Variants in CNTNAP3B observed in about 807,000 individuals in gnomAD.
CNTNAP3B encodes the protein contactin-associated protein-like 3B.
CNTNAP3B carries 25 observed loss-of-function variants against 108.9 expected under a neutral mutation model. The ratio of observed to expected loss-of-function variants is 0.23; its 90% CI spans 0.17 to 0.32. The LOEUF (loss-of-function observed/expected upper bound fraction) is 0.32. Ranked by LOEUF, CNTNAP3B falls within the 10% of genes least tolerant of loss-of-function variation. The probability of loss-of-function intolerance (pLI) is 1.00; values close to 1 mark genes in which losing one functional copy is unlikely to be tolerated. For missense variants in CNTNAP3B, 252 were observed against 1,210.4 expected, an observed-to-expected ratio of 0.21 and a Z score of 11.75; for synonymous variants, 103 against 473.4, an observed-to-expected ratio of 0.22 and a Z score of 10.16.
intron 15 of CNTNAP3B, among the ~76,000 whole-genome samples, chr9:41,926,960 A>G (rs1391271815): frequency 1.3e-5 from 2 of 152,426 alleles, no homozygotes; most frequent in Admixed American, 1.3e-4. Flanking sequence ...ATCAATAGGC[A>G]GGGGAAAAAG....
chr9:42,023,813 C>T (rs1166718694), intron 3 of CNTNAP3B, among the ~76,000 whole-genome samples: 1 of 139,582 alleles, frequency 7.2e-6, no homozygotes, highest in Admixed American at 7.2e-5. Flanking sequence ...ACTTTAAGTT[C>T]TCTTGAACAG....
intron 13 of CNTNAP3B, among the ~76,000 whole-genome samples, chr9:41,940,558 G>C (rs1193054092): frequency 6.6e-6 from 1 of 152,284 alleles, no homozygotes; most frequent in Non-Finnish European, 1.5e-5. Context: ...GGTGGCTCAC[G>C]CCTGTAATCC....
chr9:41,970,904 A>G (rs2118267535), intron 9 of CNTNAP3B, among the ~76,000 whole-genome samples: 1 of 149,422 alleles, frequency 6.7e-6, no homozygotes, highest in East Asian at 1.9e-4. Flanking sequence ...ACAACAACAC[A>G]AAAAGTAACA....
At position 42,079,617 on chromosome 9, in the gene CNTNAP3B, G is replaced by A. The variant is rs1827569579; in HGVS notation, c.197-2555C>T. Among the ~76,000 whole-genome samples the A allele has an allele frequency of 1.5e-5, 2 of 134,232 alleles. 1 individual carries two copies. The highest frequency in any genetic ancestry group is 1.5e-4 in the Admixed American group (2 of 13,416). The allele number at this position is 134,232 out of a possible 152,430, so 88.1% of individuals were successfully genotyped here. ...GCTCACTGCAACCTCCAACTCCCTG[G>A]TTCAAGCAATTCTCCTGCCTCAGCC... is the stretch of plus-strand genomic sequence containing the variant. On this transcript the variant is annotated intron_variant, in intron 2 of 23. Coordinates refer to ENST00000377561, the MANE Select transcript of CNTNAP3B (RefSeq NM_001201380.3).
intron 3 of CNTNAP3B, among the ~76,000 whole-genome samples, chr9:42,046,223 G>C (rs1461331192): frequency 9.8e-6 from 1 of 101,532 alleles, no homozygotes; most frequent in Non-Finnish European, 1.9e-5. Context: ...ACTGAGGGAG[G>C]CAGTGCTGGA....
intron 12 of CNTNAP3B, among the ~76,000 whole-genome samples, chr9:41,958,280 T>C (rs1587145241): frequency 1.3e-5 from 2 of 152,308 alleles, no homozygotes; most frequent in East Asian, 1.9e-4. Context: ...TTTGTTGTTG[T>C]TGTTGTTGTC....
intron 18 of CNTNAP3B, among the ~76,000 whole-genome samples, chr9:41,919,518 C>T (rs2117933786): frequency 6.6e-6 from 1 of 152,426 alleles, no homozygotes; most frequent in South Asian, 2.1e-4. Context: ...TTTGAGTGAT[C>T]CTGTTAATGA....
intron 3 of CNTNAP3B, among the ~76,000 whole-genome samples, chr9:42,035,258 T>C (rs1223665388): frequency 5.0e-5 from 7 of 141,058 alleles, no homozygotes. Context: ...AAGGCAGTTA[T>C]TCTTTACCAT....
intron 15 of CNTNAP3B, among the ~76,000 whole-genome samples, chr9:41,924,624 C>CA (rs1445953577): frequency 6.8e-6 from 1 of 147,010 alleles, no homozygotes; most frequent in Non-Finnish European, 1.5e-5. Flanking sequence ...AGCCAGAACA[C>CA]AGACTCTTGC....
chr9:41,954,750 C>A (rs1219410974), intron 12 of CNTNAP3B, among the ~76,000 whole-genome samples: 1 of 152,268 alleles, frequency 6.6e-6, no homozygotes, highest in African/African-American at 2.4e-5. Context: ...GTGGCGCTAT[C>A]TCAGCTCACT....
chr9:41,918,319 G>A (rs1463043120), intron 18 of CNTNAP3B, among the ~76,000 whole-genome samples: 2 of 149,192 alleles, frequency 1.3e-5, no homozygotes, highest in African/African-American at 2.5e-5. Context: ...TGGATAGAAA[G>A]GCTAATCCAA....
intron 1 of CNTNAP3B, among the ~76,000 whole-genome samples, chr9:42,125,661 TTTTG>T (rs2118757993): frequency 9.8e-6 from 1 of 102,132 alleles, no homozygotes; most frequent in Admixed American, 1.0e-4. Flanking sequence ...GAACTACATT[TTTTG>T]TTTTTTTTTT....
At chr9:42,003,122 C>G (rs1379267114) in intron 4 of CNTNAP3B, among the ~76,000 whole-genome samples, 2 of 138,704 alleles carry the variant, frequency 1.4e-5, no homozygotes, top group Non-Finnish European at 3.1e-5. Context: ...TTCCTGGGCT[C>G]AAGCAATCTG....
intron 7 of CNTNAP3B, among the ~76,000 whole-genome samples, chr9:41,995,561 C>T (rs1330076922): frequency 2.2e-5 from 3 of 134,150 alleles, no homozygotes; most frequent in African/African-American, 9.1e-5. Context: ...TGGTGAAACC[C>T]CGTCTCTACT....
chr9:41,920,694 C>A (rs1484522513), intron 17 of CNTNAP3B, among the ~76,000 whole-genome samples: 14 of 152,384 alleles, frequency 9.2e-5, no homozygotes, highest in Admixed American at 2.0e-4. Flanking sequence ...ATTTTAATTT[C>A]TTTATGAATA....
In CNTNAP3B at chr9:42,019,629, C is replaced by T. The variant is rs555259810; in HGVS notation, c.391-6104G>A. Among the ~76,000 whole-genome samples the T allele has an allele frequency of 1.5e-3, 221 of 149,116 alleles. 1 individual carries two copies. The highest frequency in any genetic ancestry group is 4.4e-3 in the African/African-American group (176 of 39,558). On this transcript the variant is annotated intron_variant, in intron 3 of 23. Transcript: ENST00000377561. ...AAAAAAAATTACCCTAGCATGGTGG[C>T]GTGCCCCTGTAGTCCCAGCTACTCA... is the stretch of plus-strand genomic sequence containing the variant.
intron 9 of CNTNAP3B, chr9:41,983,607 T>A (rs1825673246): frequency 1.1e-5 from 1 of 89,360 alleles, no homozygotes; most frequent in Non-Finnish European, 2.3e-5. Flanking sequence ...CCTCAGCACA[T>A]GAAATTTCTC....
chr9:41,966,298 C>G (rs1323307293), intron 10 of CNTNAP3B, among the ~76,000 whole-genome samples: 1 of 152,290 alleles, frequency 6.6e-6, no homozygotes, highest in Non-Finnish European at 1.5e-5. Context: ...TTGATATCAA[C>G]AGGGAGAGAA....
chr9:42,096,919 CTT>C (rs879282328), intron 2 of CNTNAP3B, among the ~76,000 whole-genome samples: 1 of 111,882 alleles, frequency 8.9e-6, no homozygotes, highest in Non-Finnish European at 1.8e-5. Context: ...TGGCATGAAA[CTT>C]TTTTTTTTTT....
Sources: allele counts gnomAD v4.1 joint callset (sites outside exome capture counted in the v4.1 genomes callset), GRCh38; gene constraint gnomAD v4.1.1; transcripts MANE v1.5; gene names NCBI Gene and HGNC (gene_info 2026-07-23, HGNC 2026-07-21).